The following PCDH15 variants were observed in gnomAD, a reference collection of about 807,000 sequenced individuals.
PCDH15 encodes the protein protocadherin related 15.
PCDH15 carries 129 observed loss-of-function variants against 178.5 expected under a neutral mutation model. The ratio of observed to expected loss-of-function variants is 0.72; its 90% CI spans 0.63 to 0.84. PCDH15 has a LOEUF of 0.84. PCDH15 is among the 40% of genes least tolerant of loss of function. The pLI, the probability that PCDH15 is intolerant of heterozygous loss-of-function variation, is 0.00. For synonymous variants in PCDH15, 800 were observed against 732.0 expected (o/e 1.09, Z -1.50); for missense variants, 2,230 against 2,099.9 (o/e 1.06, Z -1.21).
chr10:53,820,437 T>C (rs1041866473), intron 32 of PCDH15, among the ~76,000 whole-genome samples: 2 of 152,162 alleles, frequency 1.3e-5, no homozygotes, highest in African/African-American at 4.8e-5. Flanking sequence ...ACCTCTGAAA[T>C]AACGCATTGA....
chr10:55,584,466 G>A (rs1842684169), intron 2 of PCDH15, among the ~76,000 whole-genome samples: 1 of 151,716 alleles, frequency 6.6e-6, no homozygotes, highest in Non-Finnish European at 1.5e-5. Flanking sequence ...AGACCATCCT[G>A]GCCAACATGG....
chr10:53,888,291 C>CAT (rs71004489), intron 26 of PCDH15, among the ~76,000 whole-genome samples: 942 of 48,792 alleles, frequency 0.019, 47 homozygotes, highest in Middle Eastern at 0.043. Flanking sequence ...ACTATATATA[C>CAT]ATATATATAT....
chr10:53,986,389 T>G (rs1368976669), intron 21 of PCDH15, among the ~76,000 whole-genome samples: 1 of 152,194 alleles, frequency 6.6e-6, no homozygotes, highest in African/African-American at 2.4e-5. Context: ...AAAATGGCAC[T>G]GTCAATATGA....
At chr10:54,066,199 C>T (rs938013017) in intron 18 of PCDH15, among the ~76,000 whole-genome samples, 5 of 152,168 alleles carry the variant, frequency 3.3e-5, no homozygotes, top group Admixed American at 1.3e-4. Context: ...AGTACTGTCT[C>T]TGTTTTAACA....
intron 1 of PCDH15, among the ~76,000 whole-genome samples, chr10:54,700,145 T>C (rs536933062): frequency 1.3e-5 from 2 of 152,078 alleles, no homozygotes; most frequent in East Asian, 3.9e-4. Flanking sequence ...ACAAAGTCAA[T>C]CGACTGAACC....
chr10:53,839,133 G>T (rs950545156), intron 29 of PCDH15, among the ~76,000 whole-genome samples: 1 of 149,410 alleles, frequency 6.7e-6, no homozygotes, highest in Admixed American at 6.7e-5. Context: ...GAACCCGGGA[G>T]GTGGAGCTTG....
intron 2 of PCDH15, among the ~76,000 whole-genome samples, chr10:55,017,317 C>T (rs1840206573): frequency 6.6e-6 from 1 of 152,112 alleles, no homozygotes; most frequent in Non-Finnish European, 1.5e-5. Context: ...TCCCCTCTTG[C>T]TGTTCTAATA....
intron 2 of PCDH15, among the ~76,000 whole-genome samples, chr10:55,155,616 C>T (rs1180773081): frequency 6.6e-6 from 1 of 151,814 alleles, no homozygotes; most frequent in African/African-American, 2.4e-5. Context: ...TTGACAAGGT[C>T]TTTAAAAGTT....
At chr10:54,031,621 A>C (rs774867374) in intron 18 of PCDH15, among the ~76,000 whole-genome samples, 1 of 152,124 alleles carries the variant, frequency 6.6e-6, no homozygotes, top group Non-Finnish European at 1.5e-5. Context: ...TTTAACGCAA[A>C]TGAACTGAAG....
chr10:55,131,567 A>G (rs1271819284), intron 2 of PCDH15, among the ~76,000 whole-genome samples: 1 of 152,208 alleles, frequency 6.6e-6, no homozygotes, highest in Non-Finnish European at 1.5e-5. Flanking sequence ...TGAGGTATAC[A>G]GACAACTGGA....
At chr10:55,049,930 C>CT (rs1169074773) in intron 2 of PCDH15, among the ~76,000 whole-genome samples, 2 of 151,970 alleles carry the variant, frequency 1.3e-5, no homozygotes, top group Non-Finnish European at 2.9e-5. Flanking sequence ...TTTAAAAACT[C>CT]TATCACTCCC....
intron 13 of PCDH15, among the ~76,000 whole-genome samples, chr10:54,176,614 T>C (rs949179696): frequency 9.2e-5 from 14 of 152,170 alleles, no homozygotes; most frequent in African/African-American, 3.4e-4. Context: ...TACATAGATG[T>C]CCTTGACTGT....
At chr10:55,035,745 A>G (rs1840719552) in intron 2 of PCDH15, among the ~76,000 whole-genome samples, 1 of 152,208 alleles carries the variant, frequency 6.6e-6, no homozygotes, top group Admixed American at 6.5e-5. Context: ...GGCTGAACGG[A>G]AGGACATCAC....
At chr10:54,941,454 C>A (rs1838061242) in intron 2 of PCDH15, among the ~76,000 whole-genome samples, 1 of 151,938 alleles carries the variant, frequency 6.6e-6, no homozygotes. Context: ...ATTTTTATCT[C>A]CTTATTGATG....
At chr10:54,704,884 AT>A (rs1393781087) in intron 1 of PCDH15, among the ~76,000 whole-genome samples, 5 of 152,174 alleles carry the variant, frequency 3.3e-5, no homozygotes, top group Non-Finnish European at 7.4e-5. Context: ...GAGTATGTTC[AT>A]TGTAGCACTA....
At chr10:54,631,221 C>T (rs897281111) in intron 2 of PCDH15, among the ~76,000 whole-genome samples, 1 of 152,084 alleles carries the variant, frequency 6.6e-6, no homozygotes, top group Non-Finnish European at 1.5e-5. Flanking sequence ...CTCTCTCTTG[C>T]TTCCACTCTG....
chr10:55,105,839 A>T lies in PCDH15; in HGVS notation c.-80+60737T>A, dbSNP rs10825465. Among the ~76,000 whole-genome samples, 3 of 152,102 alleles carry T rather than the reference A, an allele frequency of 2.0e-5. No individual in the cohort carries two copies. The South Asian group carries it at 6.2e-4, about 32-fold the overall frequency. ...CTTCTTGAAAAAAAATCAATCCATA[A>T]AAAAGTGATTTTTTCTTAAATGGAT... is the stretch of plus-strand genomic sequence containing the variant. On this transcript the variant is annotated intron_variant, in intron 2 of 5. Transcript: ENST00000458638.
rs868214764 is a variant in PCDH15, at chr10:54,358,254, G to A, written c.474+10866C>T. 3.5e-4 allele frequency among the ~76,000 whole-genome samples: 53 copies of A among 151,492 alleles called. 2 individuals carry two copies. In the South Asian group the frequency reaches 8.5e-3, roughly 24 times the overall value. On this transcript the variant is annotated intron_variant, in intron 5 of 37. Coordinates refer to ENST00000644397, the MANE Select transcript of PCDH15 (RefSeq NM_001384140.1). The stretch of plus-strand genomic sequence containing the variant: ...ACCTACAAAATGGGAGAAAGTTTTC[G>A]CAACCTACTCATCTGACAAAGGGCT...
intron 3 of PCDH15, among the ~76,000 whole-genome samples, chr10:54,496,884 C>T (rs1248673625): frequency 6.6e-6 from 1 of 152,108 alleles, no homozygotes; most frequent in African/African-American, 2.4e-5. Context: ...CATAACTTTA[C>T]CCGTTCTGTA....
Sources: gnomAD v4.1 joint callset for allele counts (sites outside exome capture counted in the v4.1 genomes callset) on GRCh38, gnomAD v4.1.1 for gene constraint, MANE v1.5 for transcripts, NCBI Gene and HGNC (gene_info 2026-07-23, HGNC 2026-07-21) for gene names.